The following FLYWCH1 variants were observed in gnomAD, a reference collection of about 807,000 sequenced individuals.
FLYWCH1 encodes FLYWCH-type zinc finger-containing protein 1.
Under a neutral mutation model 66.4 loss-of-function variants are expected in FLYWCH1, and 75 were observed. The observed-to-expected ratio is 1.13, with a 90% CI of 0.94 to 1.37. The LOEUF (loss-of-function observed/expected upper bound fraction) is 1.37. FLYWCH1 is among the 40% of genes most tolerant of loss of function. The probability of loss-of-function intolerance (pLI) is 0.00; values close to 1 mark genes in which losing one functional copy is unlikely to be tolerated. For synonymous variants in FLYWCH1, 595 were observed against 429.9 expected, an observed-to-expected ratio of 1.38 and a Z score of -4.75; for missense variants, 1,334 against 1,001.8, an observed-to-expected ratio of 1.33 and a Z score of -4.48.
chr16:2,937,470 T>C, intron 7 of FLYWCH1, 86 bp downstream of exon 7: 1 of 1,413,532 alleles, frequency 7.1e-7, no homozygotes, highest in East Asian at 2.5e-5. Flanking sequence ...CCGTGGGGTG[T>C]TGTGTGTTGT....
At chr16:2,934,505 G>GA in intron 6 of FLYWCH1, 1 of 386,678 alleles carries the variant, frequency 2.6e-6, no homozygotes. Context: ...CGCAGTGCCT[G>GA]GTGTTTTGAC....
intron 6 of FLYWCH1, among the ~76,000 whole-genome samples, chr16:2,934,397 C>A (rs114323006): frequency 6.6e-6 from 1 of 152,232 alleles, no homozygotes; most frequent in Non-Finnish European, 1.5e-5. Flanking sequence ...CCGGTTTCTC[C>A]TCTCGGCCCG....
At chr16:2,922,524 TTGAC>T (rs1369434933) in intron 2 of FLYWCH1, 1 of 231,922 alleles carries the variant, frequency 4.3e-6, no homozygotes, top group Non-Finnish European at 8.5e-6. Context: ...CCCCATAAGT[TTGAC>T]TGCCCTGGGG....
intron 2 of FLYWCH1, among the ~76,000 whole-genome samples, chr16:2,919,349 T>C (rs1366820401): frequency 2.0e-5 from 3 of 151,668 alleles, no homozygotes; most frequent in Non-Finnish European, 4.4e-5. Context: ...CACTGCAACC[T>C]CTGCCCCCTG....
chr16:2,936,578 G>A (rs1252069604), intron 6 of FLYWCH1: 2 of 456,838 alleles, frequency 4.4e-6, no homozygotes, highest in Admixed American at 4.7e-5. Flanking sequence ...CTGCACGGAG[G>A]AAAGGGTATC....
intron 2 of FLYWCH1, among the ~76,000 whole-genome samples, chr16:2,924,478 G>T (rs1407909522): frequency 2.6e-5 from 4 of 152,202 alleles, no homozygotes; most frequent in African/African-American, 9.7e-5. Context: ...GGGTTCCCAG[G>T]CTCCTTCATG....
At chr16:2,934,241 C>T (rs759101063) in intron 6 of FLYWCH1, among the ~76,000 whole-genome samples, 1 of 152,154 alleles carries the variant, frequency 6.6e-6, no homozygotes, top group African/African-American at 2.4e-5. Context: ...GACCTCCCTG[C>T]CCTCCTCTTC....
rs371715605 is a variant in FLYWCH1, at chr16:2,929,670, G to C, written c.-16G>C. ...GGTGCTGAGCGTGGCCTGAGGGACA[G>C]GCCCTGGGTCCCGGGATGCCCCTGC... is the stretch of plus-strand genomic sequence containing the variant. On this transcript the variant is annotated 5_prime_UTR_variant, in exon 3 of 10. Coordinates refer to ENST00000253928, the MANE Select transcript of FLYWCH1 (RefSeq NM_001308068.2). The C allele has an allele frequency of 1.2e-4, 196 of 1,604,660 alleles. No homozygotes were observed. The African/African-American group carries it at 2.4e-3, about 19-fold the overall frequency.
At chr16:2,934,298 G>T (rs560580515) in intron 6 of FLYWCH1, among the ~76,000 whole-genome samples, 3 of 152,166 alleles carry the variant, frequency 2.0e-5, no homozygotes, top group Non-Finnish European at 4.4e-5. Context: ...GGTGTTGACT[G>T]CACATGGTCA....
In FLYWCH1 at chr16:2,929,996, G is replaced by A; in HGVS notation, c.311G>A (p.Ser104Asn). ...PALEMPEQKC[S>N]KLDAAAPQSL... ...CTAGAGATGCCTGAACAGAAGTGCA[G>A]CAAGCTGGATGCAGGTGAGGTGTGG... Residue 104 changes from serine (S) to asparagine (N), a missense_variant, in exon 3 of 10, where the codon AGC (serine) becomes AAC (asparagine). Transcript: ENST00000253928. 6.2e-7 allele frequency: 1 copy of A among 1,604,916 alleles called. No individual in the cohort carries two copies. Among genetic ancestry groups the A allele is most frequent in the Non-Finnish European group, 8.5e-7 (1 of 1,173,168 alleles).
At chr16:2,937,834 G>A (rs899403330) in intron 7 of FLYWCH1, among the ~76,000 whole-genome samples, 4 of 152,152 alleles carry the variant, frequency 2.6e-5, no homozygotes, top group African/African-American at 9.7e-5. Flanking sequence ...GGGGTAGGTG[G>A]ACAGGGAGCC....
At chr16:2,946,189 G>A (rs1416183284) in intron 9 of FLYWCH1, among the ~76,000 whole-genome samples, 5 of 151,854 alleles carry the variant, frequency 3.3e-5, no homozygotes, top group African/African-American at 9.7e-5. Context: ...TGAGTGTTGA[G>A]TGTTGTATAC....
chr16:2,940,782 C>A (rs1370474507), intron 9 of FLYWCH1, among the ~76,000 whole-genome samples: 2 of 152,222 alleles, frequency 1.3e-5, no homozygotes, highest in African/African-American at 4.8e-5. Flanking sequence ...AAAGAACATA[C>A]TTTGTATCAT....
rs180740097 is a variant in FLYWCH1 at position 2,949,021 on chromosome 16, G to A, written c.*294G>A. Reference sequence around the variant, plus strand: ...ATGACAAAGCTGCCTGGACACGGACGCCCCTGCTGTACGGCCACAGCACCC... The same window carrying A: ...ATGACAAAGCTGCCTGGACACGGACACCCCTGCTGTACGGCCACAGCACCC... On this transcript the variant is annotated 3_prime_UTR_variant, in exon 10 of 10. Coordinates refer to ENST00000253928, the MANE Select transcript of FLYWCH1 (RefSeq NM_001308068.2). The A allele has an allele frequency of 3.6e-5, 16 of 447,512 alleles. No homozygotes were observed. The East Asian group carries it at 4.0e-4, about 11-fold the overall frequency. 27.7% of individuals were successfully genotyped at this position (447,512 alleles called of 1,614,324 possible).
intron 8 of FLYWCH1, 36 bp from the exon 9 acceptor site, chr16:2,939,996 A>T (rs1324170204): frequency 1.9e-6 from 3 of 1,569,166 alleles, no homozygotes; most frequent in Admixed American, 1.9e-5. Context: ...ACAAGAGAAG[A>T]ATTATTAATT....
chr16:2,936,573 C>A (rs774354292), intron 6 of FLYWCH1: 5 of 456,608 alleles, frequency 1.1e-5, no homozygotes, highest in Admixed American at 4.7e-5. Flanking sequence ...TGAGCCTGCA[C>A]GGAGGAAAGG....
At chr16:2,924,720 C>T (rs1406122296) in intron 2 of FLYWCH1, among the ~76,000 whole-genome samples, 1 of 152,188 alleles carries the variant, frequency 6.6e-6, no homozygotes, top group African/African-American at 2.4e-5. Flanking sequence ...TGCTGAGGGG[C>T]CTGTGGACTT....
chr16:2,926,024 C>A (rs918447451), intron 2 of FLYWCH1, among the ~76,000 whole-genome samples: 3 of 152,106 alleles, frequency 2.0e-5, no homozygotes, highest in African/African-American at 7.2e-5. Flanking sequence ...CCACCATCTG[C>A]CCACACTCAG....
chr16:2,917,685 C>A (rs1305603992), intron 2 of FLYWCH1, among the ~76,000 whole-genome samples: 1 of 152,032 alleles, frequency 6.6e-6, no homozygotes, highest in Non-Finnish European at 1.5e-5. Context: ...CTTCTGTTTC[C>A]CAAGGTCATC....
Sources: gnomAD v4.1 joint callset for allele counts (sites outside exome capture counted in the v4.1 genomes callset) on GRCh38, gnomAD v4.1.1 for gene constraint, MANE v1.5 for transcripts, NCBI Gene and HGNC (gene_info 2026-07-23, HGNC 2026-07-21) for gene names.